Variants in NAV2 observed in about 807,000 individuals in gnomAD.
NAV2 encodes neuron navigator 2, also known as helicase, APC down-regulated 1.
Under a neutral mutation model 223.2 loss-of-function variants are expected in NAV2, and 54 were observed. That is an observed-to-expected ratio of 0.24 (90% CI 0.19 to 0.30). The LOEUF is 0.30. Among genes scored for constraint, NAV2 ranks in the 10% least tolerant of loss-of-function variants. NAV2 has a pLI of 1.00. For missense variants in NAV2, 2,806 were observed against 3,147.5 expected (o/e 0.89, Z 2.60); for synonymous variants, 1,279 against 1,239.3 (o/e 1.03, Z -0.67).
intron 1 of NAV2, among the ~76,000 whole-genome samples, chr11:19,664,476 G>T (rs566796519): frequency 6.6e-6 from 1 of 152,304 alleles, no homozygotes; most frequent in Admixed American, 6.5e-5. Flanking sequence ...GAATATTAAT[G>T]GAGAGGTCAT....
intron 11 of NAV2, among the ~76,000 whole-genome samples, chr11:19,995,441 C>T (rs2051777263): frequency 6.6e-6 from 1 of 152,178 alleles, no homozygotes; most frequent in South Asian, 2.1e-4. Context: ...CGTGGGGCCC[C>T]CTCTTGTGCA....
At chr11:19,853,526 C>T (rs1315503340) in intron 3 of NAV2, among the ~76,000 whole-genome samples, 1 of 152,166 alleles carries the variant, frequency 6.6e-6, no homozygotes, top group African/African-American at 2.4e-5. Context: ...TTTTTTAAAG[C>T]TCATCAGCTA....
At chr11:19,577,028 C>G (rs143333849) in intron 1 of NAV2, among the ~76,000 whole-genome samples, 2 of 152,336 alleles carry the variant, frequency 1.3e-5, no homozygotes, top group African/African-American at 4.8e-5. Context: ...TTCAAGGAAT[C>G]CCTGGGTTCC....
chr11:20,051,249 C>A (rs780612529), intron 16 of NAV2, 40 bp from the exon 17 acceptor site: 4 of 1,578,048 alleles, frequency 2.5e-6, no homozygotes, highest in African/African-American at 2.7e-5. Context: ...CTTCTGTGTG[C>A]TGCTCTGAAG....
At chr11:20,099,479 T>A (rs2061487610) in intron 31 of NAV2, among the ~76,000 whole-genome samples, 1 of 152,228 alleles carries the variant, frequency 6.6e-6, no homozygotes, top group Non-Finnish European at 1.5e-5. Context: ...CTGCCTCTAG[T>A]GGAGCGTGCC....
chr11:19,892,020 G>A (rs745468885), intron 5 of NAV2, among the ~76,000 whole-genome samples: 2 of 152,090 alleles, frequency 1.3e-5, no homozygotes, highest in Non-Finnish European at 2.9e-5. Context: ...GTGCAATGGC[G>A]TGATCTTAGC....
chr11:19,657,701 A>G (rs1309318909), intron 1 of NAV2, among the ~76,000 whole-genome samples: 2 of 152,118 alleles, frequency 1.3e-5, no homozygotes, highest in African/African-American at 2.4e-5. Flanking sequence ...CACCCTCCAA[A>G]CGAAGATCAT....
chr11:19,956,967 G>T (rs754253307), intron 10 of NAV2, among the ~76,000 whole-genome samples: 16 of 152,236 alleles, frequency 1.1e-4, no homozygotes, highest in Non-Finnish European at 1.9e-4. Context: ...TTTGAAAGGG[G>T]TTTGCTATGA....
rs1462565921 is a variant in NAV2, at chr11:20,114,428, T to C, written c.6961-164T>C. 4.6e-6 allele frequency: 3 copies of C among 654,484 alleles called. No individual in the cohort carries two copies. In the Admixed American group the frequency reaches 7.8e-5, roughly 17 times the overall value. 40.5% of individuals were successfully genotyped at this position (654,484 alleles called of 1,614,324 possible). On this transcript the variant is annotated intron_variant, in intron 36 of 37. Transcript: ENST00000349880. ...TGCCTTCAGCCTTAGCACCTCGAAC[T>C]GTCTGCATCTTGGATGACTTCCTGA...
chr11:19,815,935 C>T (rs1437762112), intron 1 of NAV2, among the ~76,000 whole-genome samples: 1 of 152,172 alleles, frequency 6.6e-6, no homozygotes, highest in African/African-American at 2.4e-5. Context: ...TCAGGGCCTT[C>T]TTCCAGGACT....
In NAV2 at chr11:19,956,365, TACAC is replaced by T. The variant is rs113677958; in HGVS notation, c.2645+7312_2645+7315del. Among the ~76,000 whole-genome samples, 322 of 103,836 alleles carry T rather than the reference TACAC, an allele frequency of 3.1e-3. 2 individuals are homozygous for T. The highest frequency in any genetic ancestry group is 0.013 in the African/African-American group (289 of 21,492). The allele number at this position is 103,836 out of a possible 152,430, so 68.1% of individuals were successfully genotyped here. ...AAGATTACCACACCCCCGACACACA[TACAC>T]ACACACACACACACACACACACACA... is the stretch of plus-strand genomic sequence containing the variant. On this transcript the variant is annotated intron_variant, in intron 10 of 37. Transcript: ENST00000349880.
rs189665680 is a variant in NAV2 at position 19,364,944 on chromosome 11, G to A, written c.75+13917G>A. Among the ~76,000 whole-genome samples the A allele has an allele frequency of 8.7e-4, 133 of 152,264 alleles. No individual in the cohort carries two copies. In the Middle Eastern group the frequency reaches 0.01, roughly 12 times the overall value. On this transcript the variant is annotated intron_variant, in intron 1 of 37. Coordinates refer to the NAV2 transcript ENST00000360655. ...TACAACAATATTTCGGTTTTCGTTC[G>A]TTCACCTTCTGTAGGAAGATCTCTG... is the stretch of plus-strand genomic sequence containing the variant.
chr11:19,865,137 T>C (rs1442085778), intron 3 of NAV2, among the ~76,000 whole-genome samples: 2 of 152,228 alleles, frequency 1.3e-5, no homozygotes, highest in Non-Finnish European at 2.9e-5. Flanking sequence ...ATTTACATAC[T>C]TTGCTGTTTA....
intron 1 of NAV2, among the ~76,000 whole-genome samples, chr11:19,386,282 G>T (rs11025112): frequency 0.053 from 8,019 of 152,238 alleles, 244 homozygotes; most frequent in South Asian, 0.13. Context: ...AATGAGAGGG[G>T]TTCTGGTTTT....
Position 19,625,894 on chromosome 11 carries a change from G to T in NAV2, c.76-206590G>T, listed in dbSNP as rs116054166. On this transcript the variant is annotated intron_variant, in intron 1 of 37. Transcript: ENST00000360655. ...AGATCATTTGCCTATTTTTTTTCCT[G>T]TGGAGATGTTTGAGTTCCTTGTATA... Among the ~76,000 whole-genome samples, 1,346 of 151,608 alleles carry T rather than the reference G, an allele frequency of 8.9e-3. 21 individuals carry two copies. Among genetic ancestry groups the T allele is most frequent in the African/African-American group, 0.03 (1,252 of 41,342 alleles).
chr11:19,842,976 C>G, intron 3 of NAV2, 53 bp downstream of exon 3: 3 of 1,471,022 alleles, frequency 2.0e-6, no homozygotes, highest in Non-Finnish European at 2.9e-6. Context: ...AGCCCTGCCT[C>G]TAAGTGATAT....
intron 1 of NAV2, among the ~76,000 whole-genome samples, chr11:19,399,284 GA>G (rs1197001897): frequency 1.3e-5 from 2 of 152,182 alleles, no homozygotes; most frequent in African/African-American, 4.8e-5. Flanking sequence ...GCCACCTTCA[GA>G]AGTCAGATTC....
At chr11:19,532,896 AG>A (rs2044071430) in intron 1 of NAV2, among the ~76,000 whole-genome samples, 2 of 152,208 alleles carry the variant, frequency 1.3e-5, no homozygotes, top group Admixed American at 1.3e-4. Flanking sequence ...ACAGAAAGGA[AG>A]GCAACTGATG....
chr11:19,607,020 A>T (rs1259730730), intron 1 of NAV2, among the ~76,000 whole-genome samples: 6 of 152,218 alleles, frequency 3.9e-5, no homozygotes, highest in Admixed American at 3.3e-4. Context: ...CGTATGGGCC[A>T]GCTCCCAGGC....
Sources: allele counts gnomAD v4.1 joint callset (sites outside exome capture counted in the v4.1 genomes callset), GRCh38; gene constraint gnomAD v4.1.1; transcripts MANE v1.5; gene names NCBI Gene and HGNC (gene_info 2026-07-23, HGNC 2026-07-21).